RMP64: variants seen among roughly 807,000 people sequenced by gnomAD.
RMP64 encodes nucleolus and neural progenitor protein.
the RMP64 span, chr3:113,012,797 T>C: frequency 1.2e-6 from 2 of 1,603,378 alleles, no homozygotes; most frequent in African/African-American, 1.3e-5. Flanking sequence ...CAAACCTAGA[T>C]GTTTCACAGT....
chr3:113,008,878 C>A, the RMP64 span: 1 of 157,002 alleles, frequency 6.4e-6, no homozygotes. Context: ...AATAAAAAAA[C>A]CCCACATGAT....
the RMP64 span, chr3:113,014,016 T>G: frequency 6.2e-7 from 1 of 1,612,604 alleles, no homozygotes; most frequent in Non-Finnish European, 8.5e-7. Context: ...TTTCAAACGC[T>G]TTAAACATTG....
the RMP64 span, chr3:113,017,653 T>C: frequency 1.3e-6 from 2 of 1,497,434 alleles, no homozygotes; most frequent in African/African-American, 2.8e-5. Context: ...ACAGTAAGTA[T>C]ATTATATTAA....
chr3:113,006,063 A>G, the RMP64 span: 2 of 1,183,054 alleles, frequency 1.7e-6, no homozygotes, highest in Non-Finnish European at 2.4e-6. Context: ...ATTCTCAAGC[A>G]CTTTTAATTT....
At chr3:113,008,220 T>C in the RMP64 span, 3 of 1,614,216 alleles carry the variant, frequency 1.9e-6, no homozygotes, top group South Asian at 3.3e-5. Context: ...TTAAGAAGTT[T>C]GTTACCCAGA....
chr3:113,017,719 T>C, the RMP64 span: 2 of 907,764 alleles, frequency 2.2e-6, no homozygotes, highest in Admixed American at 2.3e-5. Flanking sequence ...CAAAAACTAA[T>C]GTAATCAGTC....
At chr3:113,013,825 C>T in the RMP64 span, 1 of 734,654 alleles carries the variant, frequency 1.4e-6, no homozygotes, top group Non-Finnish European at 2.4e-6. Context: ...CACATTAAAA[C>T]AAAATTTATA....
chr3:113,011,913 G>A, the RMP64 span, among the ~76,000 whole-genome samples: 5 of 152,190 alleles, frequency 3.3e-5, no homozygotes, highest in Admixed American at 2.6e-4. Context: ...TAAAACAATA[G>A]GAAATACTAT....
the RMP64 span, chr3:113,006,064 C>T: frequency 1.7e-6 from 2 of 1,171,006 alleles, no homozygotes; most frequent in African/African-American, 1.5e-5. Flanking sequence ...TTCTCAAGCA[C>T]TTTTAATTTA....
At chr3:113,013,946 T>C in the RMP64 span, 46 of 1,603,418 alleles carry the variant, frequency 2.9e-5, no homozygotes, top group East Asian at 9.8e-4. Flanking sequence ...CTGGACCACT[T>C]ACTTACTTGG....
At chr3:113,017,541 T>C in the RMP64 span, 1 of 1,614,184 alleles carries the variant, frequency 6.2e-7, no homozygotes, top group Admixed American at 1.7e-5. Flanking sequence ...CATCTAAGGT[T>C]TGGCTCTTCA....
the RMP64 span, chr3:113,019,669 A>C: frequency 6.3e-7 from 1 of 1,599,246 alleles, no homozygotes; most frequent in South Asian, 1.1e-5. Flanking sequence ...GGACTTACGA[A>C]AGGCGGAGCT....
the RMP64 span, chr3:113,010,434 T>C: frequency 1.9e-6 from 1 of 524,698 alleles, no homozygotes; most frequent in South Asian, 2.7e-5. Context: ...CCTACTAAAA[T>C]ATTTCTGAAG....
the RMP64 span, chr3:113,019,567 T>C: frequency 2.5e-6 from 4 of 1,613,782 alleles, no homozygotes; most frequent in East Asian, 8.9e-5. Flanking sequence ...GGTTCTGCAC[T>C]GTCACTGCGC....
chr3:113,018,072 C>T, the RMP64 span, among the ~76,000 whole-genome samples: 2 of 152,192 alleles, frequency 1.3e-5, no homozygotes, highest in African/African-American at 4.8e-5. Flanking sequence ...GTTTGGATAT[C>T]ACTTTATGAG....
chr3:113,005,535 T>C, the RMP64 span: 43 of 1,584,950 alleles, frequency 2.7e-5, no homozygotes, highest in Non-Finnish European at 3.6e-5. Flanking sequence ...TGAACGAACA[T>C]CTAAACTCCC....
chr3:113,018,491 T>A, the RMP64 span, among the ~76,000 whole-genome samples: 1 of 152,186 alleles, frequency 6.6e-6, no homozygotes, highest in Admixed American at 6.5e-5. Context: ...GGAAAGGGGA[T>A]GTGATGATCT....
At chr3:113,013,929 A>T in the RMP64 span, 1 of 1,551,316 alleles carries the variant, frequency 6.4e-7, no homozygotes, top group African/African-American at 1.4e-5. Context: ...ACCACATCAC[A>T]AAGCAACTGG....
the RMP64 span, chr3:113,004,620 A>AGAT: frequency 6.6e-6 from 1 of 152,220 alleles, no homozygotes; most frequent in African/African-American, 2.4e-5. Context: ...AACATTGGAA[A>AGAT]GATACCTACC....
Sources: gnomAD v4.1 joint callset for allele counts (sites outside exome capture counted in the v4.1 genomes callset) on GRCh38, gnomAD v4.1.1 for gene constraint, MANE v1.5 for transcripts, NCBI Gene and HGNC (gene_info 2026-07-23, HGNC 2026-07-21) for gene names.